TTK: variants seen among roughly 807,000 people sequenced by gnomAD.
TTK encodes the protein TTK protein kinase, also known as dual specificity protein kinase TTK.
TTK carries 59 observed loss-of-function variants against 117.3 expected under a neutral mutation model. The ratio of observed to expected loss-of-function variants is 0.50; its 90% confidence interval spans 0.41 to 0.62. TTK has a LOEUF of 0.62. Ranked by LOEUF, TTK falls within the 20% of genes least tolerant of loss-of-function variation. TTK has a pLI of 0.00. For missense variants in TTK, 921 were observed against 989.4 expected (o/e 0.93, Z 0.93); for synonymous variants, 302 against 325.0 (o/e 0.93, Z 0.76).
chr6:80,010,711 CT>C (rs749505995), intron 4 of TTK, 102 bp from the exon 5 acceptor site: 9 of 1,223,332 alleles, frequency 7.4e-6, no homozygotes, highest in Non-Finnish European at 1.0e-5. Flanking sequence ...TTGCTTAAGT[CT>C]TTTTGATTTT....
chr6:80,014,163 C>T (rs962127433), intron 9 of TTK, among the ~76,000 whole-genome samples: 6 of 152,126 alleles, frequency 3.9e-5, no homozygotes, highest in Non-Finnish European at 7.4e-5. Context: ...ATGAGGCATA[C>T]TCTATGTTGA....
chr6:80,033,277 T>C (rs1336431938), intron 14 of TTK, among the ~76,000 whole-genome samples: 1 of 152,224 alleles, frequency 6.6e-6, no homozygotes, highest in Non-Finnish European at 1.5e-5. Context: ...TATTTTAACA[T>C]GACATCCTAT....
At chr6:80,026,261 T>A in intron 11 of TTK, 117 bp from the exon 12 acceptor site, 1 of 1,044,472 alleles carries the variant, frequency 9.6e-7, no homozygotes, top group African/African-American at 1.6e-5. Flanking sequence ...TCTCTTTTAG[T>A]ATGCCTTTGT....
chr6:80,005,298 A>G (rs952180378), intron 1 of TTK, among the ~76,000 whole-genome samples: 2 of 152,216 alleles, frequency 1.3e-5, no homozygotes, highest in Non-Finnish European at 2.9e-5. Context: ...TTAGTGTTAG[A>G]TTAAGGTAGC....
chr6:80,028,931 G>A (rs1200751944), intron 13 of TTK, among the ~76,000 whole-genome samples: 2 of 151,870 alleles, frequency 1.3e-5, no homozygotes, highest in Non-Finnish European at 2.9e-5. Context: ...CTAAATTTTC[G>A]GTGCCCATTT....
intron 10 of TTK, among the ~76,000 whole-genome samples, chr6:80,018,461 C>A (rs1048527645): frequency 4.9e-5 from 7 of 144,284 alleles, no homozygotes; most frequent in African/African-American, 5.1e-5. Context: ...GCTAAAAATA[C>A]AAAAAAAAAA....
chr6:80,016,161 A>G (rs1767302070), intron 10 of TTK, among the ~76,000 whole-genome samples: 1 of 152,196 alleles, frequency 6.6e-6, no homozygotes, highest in Non-Finnish European at 1.5e-5. Context: ...TTTTTTGTCT[A>G]ATGAATAATG....
intron 11 of TTK, among the ~76,000 whole-genome samples, chr6:80,023,714 GT>G (rs971015081): frequency 2.0e-5 from 3 of 152,198 alleles, no homozygotes; most frequent in African/African-American, 7.2e-5. Context: ...CTGTGTTAGA[GT>G]TTTTACAAAT....
rs574828900 is a variant in TTK, at chr6:80,030,115, A to T, written c.1522-1352A>T. Among the ~76,000 whole-genome samples the T allele has an allele frequency of 5.0e-4, 76 of 152,346 alleles. No individual in the cohort carries two copies. The South Asian group carries it at 0.016, about 31-fold the overall frequency. ...ACTTATCTTTTTATTTAAATAGGAG[A>T]TTACATGAGAGATTCTACCATTTGG... is the stretch of plus-strand genomic sequence containing the variant. On this transcript the variant is annotated intron_variant, in intron 13 of 21. Transcript: ENST00000369798.
intron 10 of TTK, among the ~76,000 whole-genome samples, chr6:80,015,563 G>A (rs1767284980): frequency 2.0e-5 from 3 of 152,084 alleles, no homozygotes; most frequent in African/African-American, 4.8e-5. Context: ...CCAGGCAAAC[G>A]GGGACACACA....
At position 80,014,443 on chromosome 6, in the gene TTK, T is replaced by C. The variant is rs1431917653; in HGVS notation, c.985-20T>C. 3 of 1,583,316 alleles carry C rather than the reference T, an allele frequency of 1.9e-6. No homozygotes were observed. In the South Asian group the frequency reaches 3.6e-5, roughly 19 times the overall value. On this transcript the variant is annotated intron_variant, in intron 9 of 21. Coordinates refer to ENST00000369798, the MANE Select transcript of TTK (RefSeq NM_003318.5). ...GTACTACTATTTATGGGACTTTATT[T>C]GATTTTCTTTTTCATGTAGTCTGTT...
chr6:80,010,768 G>C, intron 4 of TTK, 46 bp from the exon 5 acceptor site: 1 of 1,522,288 alleles, frequency 6.6e-7, no homozygotes, highest in Non-Finnish European at 8.8e-7. Context: ...TCTGGGTGGT[G>C]GGCATTTTAC....
At chr6:80,036,927 G>A (rs1767921513) in intron 17 of TTK, among the ~76,000 whole-genome samples, 1 of 152,022 alleles carries the variant, frequency 6.6e-6, no homozygotes, top group African/African-American at 2.4e-5. Flanking sequence ...AGCAAAGAGG[G>A]AGTTGCAGTT....
intron 9 of TTK, among the ~76,000 whole-genome samples, chr6:80,013,982 A>C (rs1767237036): frequency 6.6e-6 from 1 of 151,912 alleles, no homozygotes; most frequent in Non-Finnish European, 1.5e-5. Flanking sequence ...TTAAGTATTA[A>C]TTTTTCCTAA....
At chr6:80,034,014 G>T (rs1370818493) in intron 14 of TTK, among the ~76,000 whole-genome samples, 1 of 152,090 alleles carries the variant, frequency 6.6e-6, no homozygotes, top group African/African-American at 2.4e-5. Context: ...GGAGTATAAT[G>T]AAGGTGTAAG....
At chr6:80,008,841 A>G (rs1443800462) in intron 4 of TTK, among the ~76,000 whole-genome samples, 7 of 151,922 alleles carry the variant, frequency 4.6e-5, no homozygotes, top group African/African-American at 1.7e-4. Context: ...TAGAGCTTAC[A>G]TAAACTTTTC....
intron 3 of TTK, 56 bp from the exon 4 acceptor site, chr6:80,008,330 A>G: frequency 6.5e-7 from 1 of 1,531,074 alleles, no homozygotes; most frequent in Non-Finnish European, 8.9e-7. Context: ...AAGCATTATC[A>G]AATTTAAGTA....
intron 2 of TTK, chr6:80,006,222 A>C: frequency 2.0e-6 from 1 of 495,732 alleles, no homozygotes; most frequent in East Asian, 4.8e-5. Flanking sequence ...AATGGGTGAA[A>C]ATGCCCAGAG....
Position 80,022,482 on chromosome 6 carries a change from C to A in TTK, c.1257+10C>A. 6.2e-7 allele frequency: 1 copy of A among 1,610,722 alleles called. No individual in the cohort carries two copies. The highest frequency in any genetic ancestry group is 8.5e-7 in the Non-Finnish European group (1 of 1,179,018). On this transcript the variant is annotated intron_variant, in intron 11 of 21. Coordinates refer to ENST00000369798, the MANE Select transcript of TTK (RefSeq NM_003318.5). Reference sequence around the variant, plus strand: ...AAAAGTTAATACAGAGGTAACTTTTCCACTAAAGTACAATATTGCTTTTTT... The same window carrying A: ...AAAAGTTAATACAGAGGTAACTTTTACACTAAAGTACAATATTGCTTTTTT...
Sources: gnomAD v4.1 joint callset for allele counts (sites outside exome capture counted in the v4.1 genomes callset) on GRCh38, gnomAD v4.1.1 for gene constraint, MANE v1.5 for transcripts, NCBI Gene and HGNC (gene_info 2026-07-23, HGNC 2026-07-21) for gene names.